Variants in GABRB1 observed in about 807,000 individuals in gnomAD.
The protein encoded by GABRB1 is gamma-aminobutyric acid receptor subunit beta-1.
A neutral mutation model predicts 51.6 loss-of-function variants in GABRB1; 17 were observed. That is an observed-to-expected ratio of 0.33 (90% CI 0.23 to 0.49). GABRB1 has a LOEUF of 0.49. Among genes scored for constraint, GABRB1 ranks in the 20% least tolerant of loss-of-function variants. The pLI is 0.99. For missense variants in GABRB1, 410 were observed against 600.6 expected (o/e 0.68, Z 3.32); for synonymous variants, 247 against 218.9 (o/e 1.13, Z -1.14).
intron 4 of GABRB1, among the ~76,000 whole-genome samples, chr4:47,294,298 C>T (rs548379153): frequency 1.6e-4 from 24 of 152,244 alleles, no homozygotes; most frequent in South Asian, 4.1e-4. Flanking sequence ...TGAAGCAGGG[C>T]GAGGCATTGC....
At chr4:47,094,385 C>T (rs1714289917) in intron 3 of GABRB1, among the ~76,000 whole-genome samples, 1 of 151,774 alleles carries the variant, frequency 6.6e-6, no homozygotes, top group Non-Finnish European at 1.5e-5. Context: ...ACCACCAGCC[C>T]AGCTAATTTT....
intron 8 of GABRB1, among the ~76,000 whole-genome samples, chr4:47,421,367 A>G (rs760392303): frequency 1.8e-4 from 27 of 152,122 alleles, no homozygotes; most frequent in Non-Finnish European, 3.8e-4. Context: ...AGCCGATTCT[A>G]AACTCTAGCA....
At chr4:47,081,584 T>C (rs34541375) in intron 3 of GABRB1, among the ~76,000 whole-genome samples, 34,066 of 152,088 alleles carry the variant, frequency 0.22, 4,863 homozygotes, top group Middle Eastern at 0.33. Context: ...CATGGTCTTA[T>C]ACTTTTTAAA....
intron 3 of GABRB1, among the ~76,000 whole-genome samples, chr4:47,042,414 G>GTATA (rs764850015): frequency 4.3e-3 from 203 of 46,990 alleles, no homozygotes; most frequent in Non-Finnish European, 8.6e-3. Context: ...TATGTGTACA[G>GTATA]TATATATATA....
intron 4 of GABRB1, among the ~76,000 whole-genome samples, chr4:47,301,545 G>A (rs1012220088): frequency 6.6e-6 from 1 of 150,940 alleles, no homozygotes; most frequent in African/African-American, 2.4e-5. Context: ...AAGGTCAGGG[G>A]ATCGCTTGAG....
intron 4 of GABRB1, among the ~76,000 whole-genome samples, chr4:47,173,022 C>G (rs1055256328): frequency 1.3e-5 from 2 of 152,098 alleles, no homozygotes; most frequent in Non-Finnish European, 2.9e-5. Flanking sequence ...AGAGAGCTGC[C>G]TGGTCCATTT....
chr4:47,283,385 T>G (rs1723371253), intron 4 of GABRB1, among the ~76,000 whole-genome samples: 15 of 95,712 alleles, frequency 1.6e-4, no homozygotes, highest in Non-Finnish European at 2.6e-4. Flanking sequence ...TTTTTTTTTT[T>G]TTTTTTTTTT....
At chr4:47,146,681 G>A (rs986125615) in intron 3 of GABRB1, among the ~76,000 whole-genome samples, 2 of 152,038 alleles carry the variant, frequency 1.3e-5, no homozygotes, top group Admixed American at 6.6e-5. Context: ...CTGAGTGTAA[G>A]AATTGTTGAT....
intron 4 of GABRB1, among the ~76,000 whole-genome samples, chr4:47,276,571 C>T (rs1379113892): frequency 6.6e-6 from 1 of 151,954 alleles, no homozygotes; most frequent in Admixed American, 6.6e-5. Flanking sequence ...TTTATTTTAT[C>T]CTCACAAAAG....
intron 3 of GABRB1, among the ~76,000 whole-genome samples, chr4:47,142,344 T>G (rs1716972194): frequency 6.6e-6 from 1 of 152,044 alleles, no homozygotes; most frequent in African/African-American, 2.4e-5. Flanking sequence ...AGAATGCTTA[T>G]GAAGAACAGC....
At chr4:47,083,295 C>T (rs542728168) in intron 3 of GABRB1, among the ~76,000 whole-genome samples, 30 of 152,212 alleles carry the variant, frequency 2.0e-4, no homozygotes, top group African/African-American at 7.0e-4. Context: ...CTGACCTATG[C>T]TTCTTATTAC....
chr4:47,372,139 T>C (rs1252819871), intron 5 of GABRB1, among the ~76,000 whole-genome samples: 2 of 152,234 alleles, frequency 1.3e-5, no homozygotes, highest in African/African-American at 4.8e-5. Flanking sequence ...GGATCCAGTT[T>C]GAATTTTCTG....
intron 5 of GABRB1, among the ~76,000 whole-genome samples, chr4:47,342,395 C>CAA (rs5858064): frequency 1.7e-4 from 26 of 151,646 alleles, no homozygotes; most frequent in South Asian, 4.2e-4. Flanking sequence ...AGGCACCCCA[C>CAA]AAAAAAATAC....
chr4:47,188,614 AC>A (rs957829950), intron 4 of GABRB1, among the ~76,000 whole-genome samples: 25 of 152,134 alleles, frequency 1.6e-4, no homozygotes, highest in Admixed American at 5.2e-4. Flanking sequence ...TTAAAAAAAA[AC>A]ATTCTTTCTA....
chr4:47,315,683 T>C (rs1002585393), intron 4 of GABRB1, among the ~76,000 whole-genome samples: 1 of 151,982 alleles, frequency 6.6e-6, no homozygotes, highest in Non-Finnish European at 1.5e-5. Context: ...ATATACACCA[T>C]GGAATACTAC....
intron 3 of GABRB1, among the ~76,000 whole-genome samples, chr4:47,056,793 G>A (rs988354034): frequency 4.5e-4 from 69 of 152,162 alleles, no homozygotes; most frequent in Admixed American, 4.4e-3. Flanking sequence ...GAAAGAGATC[G>A]TTATTGAGAA....
intron 5 of GABRB1, among the ~76,000 whole-genome samples, chr4:47,333,223 TATATATATATATAC>T (rs1323035965): frequency 0.18 from 7,468 of 42,482 alleles, 463 homozygotes; most frequent in East Asian, 0.34. Context: ...TATATATATA[TATATATATATATAC>T]ACACCACGTA....
chr4:47,062,833 T>C (rs995147510), intron 3 of GABRB1, among the ~76,000 whole-genome samples: 11 of 152,092 alleles, frequency 7.2e-5, no homozygotes, highest in Admixed American at 2.6e-4. Context: ...CATCAACAAA[T>C]TGTGTCAGAC....
intron 5 of GABRB1, among the ~76,000 whole-genome samples, chr4:47,374,969 A>G (rs1727329604): frequency 6.6e-6 from 1 of 152,244 alleles, no homozygotes; most frequent in Non-Finnish European, 1.5e-5. Context: ...AGGATCCAAA[A>G]AATTGGGGAA....
Sources: allele counts gnomAD v4.1 joint callset (sites outside exome capture counted in the v4.1 genomes callset), GRCh38; gene constraint gnomAD v4.1.1; transcripts MANE v1.5; gene names NCBI Gene and HGNC (gene_info 2026-07-23, HGNC 2026-07-21).